Variants in ALB observed in about 807,000 individuals in gnomAD.
The protein encoded by ALB is albumin, also known as serum albumin.
A neutral mutation model predicts 74.5 loss-of-function variants in ALB; 37 were observed. The ratio of observed to expected loss-of-function variants is 0.50; its 90% CI spans 0.38 to 0.65. The LOEUF (loss-of-function observed/expected upper bound fraction) is 0.65. Among genes scored for constraint, ALB ranks in the 30% least tolerant of loss-of-function variants. ALB has a pLI of 0.00. For synonymous variants in ALB, 249 were observed against 251.6 expected, an observed-to-expected ratio of 0.99 and a Z score of 0.10; for missense variants, 685 against 718.7, an observed-to-expected ratio of 0.95 and a Z score of 0.54.
rs1338506330 is a variant in ALB, at chr4:73,409,256, C to A, written c.483-99C>A. On this transcript the variant is annotated intron_variant, in intron 4 of 14. Coordinates refer to ENST00000295897, the MANE Select transcript of ALB (RefSeq NM_000477.7). ...TGAGCTTAATTGGTTAATTAGATAT[C>A]TTTGGAATTTGGAGGTTCTGGGGAG... 5 of 1,319,630 alleles carry A rather than the reference C, an allele frequency of 3.8e-6. No individual in the cohort carries two copies. In the East Asian group the frequency reaches 9.4e-5, roughly 25 times the overall value. The allele number at this position is 1,319,630 out of a possible 1,614,324, so 81.7% of individuals were successfully genotyped here. A position where few individuals can be genotyped will look rare whatever the true frequency, so the allele number is the denominator to read the frequency against.
chr4:73,404,599 G>A (rs1294488095), intron 1 of ALB, among the ~76,000 whole-genome samples, 193 bp downstream of exon 1: 3 of 150,596 alleles, frequency 2.0e-5, no homozygotes, highest in Non-Finnish European at 3.0e-5. Context: ...AAAAAAAAAA[G>A]GTCAGAATTG....
rs371123711 is a variant in ALB at position 73,419,555 on chromosome 4, A to G, written c.1701A>G (p.Gln567=). Residue 567 remains glutamine (Q), a synonymous_variant, in exon 13 of 15, where the codon CAA becomes CAG. Transcript: ENST00000295897. The part of the protein sequence containing the change: ...VKHKPKATKE[Q]LKAVMDDFAA... ...ACAAGCCCAAGGCAACAAAAGAGCA[A>G]CTGAAAGCTGTTATGGATGATTTCG... 73 of 1,614,016 alleles carry G rather than the reference A, an allele frequency of 4.5e-5. No individual in the cohort carries two copies. The African/African-American group carries it at 8.7e-4, about 19-fold the overall frequency.
intron 9 of ALB, 92 bp downstream of exon 9, chr4:73,415,259 A>G (rs1409472539): frequency 8.0e-5 from 115 of 1,430,480 alleles, no homozygotes; most frequent in Non-Finnish European, 1.1e-4. Flanking sequence ...AATGATATAC[A>G]GTGCAATTTA....
At chr4:73,412,220 G>C (rs1718896156) in intron 7 of ALB, 95 bp downstream of exon 7, 1 of 1,456,662 alleles carries the variant, frequency 6.9e-7, no homozygotes, top group Non-Finnish European at 9.6e-7. Flanking sequence ...ACAGTGGGTT[G>C]AGATTGTCTT....
At chr4:73,406,408 A>G (rs1378902145) in intron 2 of ALB, among the ~76,000 whole-genome samples, 1 of 152,238 alleles carries the variant, frequency 6.6e-6, no homozygotes, top group Non-Finnish European at 1.5e-5. Context: ...ACACACGCAT[A>G]CATATAAACA....
rs1375909991 is a variant in ALB, at chr4:73,408,794, A to G, written c.471A>G (p.Thr157=). 11 of 1,613,392 alleles carry G rather than the reference A, an allele frequency of 6.8e-6. No individual in the cohort carries two copies. The South Asian group carries it at 1.1e-4, about 16-fold the overall frequency. ...MCTAFHDNEE[T]FLKKYLYEIA... ...CTGCTTTTCATGACAATGAAGAGACATTTTTGAAAAAGTAAGTAATCAGAT... is the reference window on the plus strand; with the variant it reads ...CTGCTTTTCATGACAATGAAGAGACGTTTTTGAAAAAGTAAGTAATCAGAT... The change falls in exon 4 of 15, where the codon ACA becomes ACG. Residue 157 remains threonine, a synonymous_variant. Coordinates refer to ENST00000295897, the MANE Select transcript of ALB (RefSeq NM_000477.7).
At chr4:73,417,315 A>T (rs934475347) in intron 10 of ALB, among the ~76,000 whole-genome samples, 1 of 152,220 alleles carries the variant, frequency 6.6e-6, no homozygotes, top group Non-Finnish European at 1.5e-5. Flanking sequence ...TCCCAAGATT[A>T]TGCAAGTGGT....
At chr4:73,415,490 G>A in intron 9 of ALB, 1 of 277,810 alleles carries the variant, frequency 3.6e-6, no homozygotes, top group Non-Finnish European at 6.9e-6. Context: ...TGTAAAGTGA[G>A]TTAACCTGAT....
In ALB at chr4:73,416,353, C is replaced by A. The variant is rs370819889; in HGVS notation, c.1289C>A (p.Ala430Glu). Residue 430 changes from alanine (A) to glutamate (E), a missense_variant and splice_region_variant, in exon 10 of 15, where the codon GCG (alanine) becomes GAG (glutamate). Physicochemically the swap from Ala to Glu is moderately radical, Grantham distance 107. Coordinates refer to ENST00000295897, the MANE Select transcript of ALB (RefSeq NM_000477.7). ...CTTGGAGAGTACAAATTCCAGAATGCGTAAGTAATTTTTATTGACTGATTT... is the reference window on the plus strand; with the variant it reads ...CTTGGAGAGTACAAATTCCAGAATGAGTAAGTAATTTTTATTGACTGATTT... ...EQLGEYKFQN[A>E]LLVRYTKKVP... is the part of the protein sequence containing the mutation. The A allele has an allele frequency of 1.9e-6, 3 of 1,609,028 alleles. No homozygotes were observed. Among genetic ancestry groups the A allele is most frequent in the Non-Finnish European group, 2.5e-6 (3 of 1,176,648 alleles).
At chr4:73,410,219 A>C in intron 5 of ALB, 93 bp from the exon 6 acceptor site, 1 of 987,924 alleles carries the variant, frequency 1.0e-6, no homozygotes, top group East Asian at 2.4e-5. Flanking sequence ...ATGCCTTCAA[A>C]ATTTAATTTG....
chr4:73,408,907 A>G lies in ALB; in HGVS notation c.482+102A>G, dbSNP rs528298309. ...CCATAACAAAAATATTTTCAACATT[A>G]AGACTTGGAAGTTTTGTTATGATGA... is the stretch of plus-strand genomic sequence containing the variant. On this transcript the variant is annotated intron_variant, in intron 4 of 14. Transcript: ENST00000295897. The G allele has an allele frequency of 1.5e-4, 157 of 1,038,522 alleles. 1 individual carries two copies. In the Middle Eastern group the frequency reaches 1.9e-3, roughly 13 times the overall value. The allele number at this position is 1,038,522 out of a possible 1,614,324, so 64.3% of individuals were successfully genotyped here.
Position 73,404,350 on chromosome 4 carries a change from C to A in ALB, c.23C>A (p.Ser8Tyr). MKWVTFI[S>Y]LLFLFSSAYS... Reference sequence around the variant, plus strand: ...ACAATGAAGTGGGTAACCTTTATTTCCCTTCTTTTTCTCTTTAGCTCGGCT... The same window carrying A: ...ACAATGAAGTGGGTAACCTTTATTTACCTTCTTTTTCTCTTTAGCTCGGCT... The change falls in exon 1 of 15, where the codon TCC becomes TAC. Residue 8 changes from serine to tyrosine, a missense_variant. Coordinates refer to ENST00000295897, the MANE Select transcript of ALB (RefSeq NM_000477.7). The A allele has an allele frequency of 6.2e-7, 1 of 1,613,750 alleles. No individual in the cohort carries two copies. Among genetic ancestry groups the A allele is most frequent in the South Asian group, 1.1e-5 (1 of 91,076 alleles).
At position 73,419,559 on chromosome 4, in the gene ALB, A is replaced by G. The variant is rs72552712; in HGVS notation, c.1705A>G (p.Lys569Glu). The G allele has an allele frequency of 6.2e-7, 1 of 1,613,932 alleles. No individual in the cohort carries two copies. The highest frequency in any genetic ancestry group is 8.5e-7 in the Non-Finnish European group (1 of 1,179,946). ...GCCCAAGGCAACAAAAGAGCAACTGAAAGCTGTTATGGATGATTTCGCAGC... is the reference window on the plus strand; with the variant it reads ...GCCCAAGGCAACAAAAGAGCAACTGGAAGCTGTTATGGATGATTTCGCAGC... ...HKPKATKEQL[K>E]AVMDDFAAFV... is the part of the protein sequence containing the mutation. Residue 569 changes from lysine to glutamate, a missense_variant, in exon 13 of 15, where the codon AAA becomes GAA. Lys to Glu is a moderately conservative substitution (Grantham distance 56). Coordinates refer to ENST00000295897, the MANE Select transcript of ALB (RefSeq NM_000477.7).
chr4:73,419,939 AATTT>A (rs1488984409), intron 13 of ALB, among the ~76,000 whole-genome samples: 4 of 152,200 alleles, frequency 2.6e-5, no homozygotes, highest in African/African-American at 9.6e-5. Context: ...TCAAAACATT[AATTT>A]ATTTAAACAT....
At chr4:73,409,172 C>T in intron 4 of ALB, 183 bp from the exon 5 acceptor site, 1 of 694,824 alleles carries the variant, frequency 1.4e-6, no homozygotes, top group Non-Finnish European at 2.4e-6. Context: ...CACACACACA[C>T]TTAACCCTTT....
At chr4:73,408,428 G>A (rs1020301668) in intron 3 of ALB, among the ~76,000 whole-genome samples, 166 bp from the exon 4 acceptor site, 8 of 152,142 alleles carry the variant, frequency 5.3e-5, no homozygotes, top group African/African-American at 1.7e-4. Context: ...ATTATATAGA[G>A]ATGGTTAAAT....
chr4:73,407,160 T>C (rs1718753276), intron 3 of ALB, among the ~76,000 whole-genome samples: 1 of 152,166 alleles, frequency 6.6e-6, no homozygotes, highest in South Asian at 2.1e-4. Context: ...CCTGTTATAT[T>C]TTTAAGTGTA....
intron 1 of ALB, among the ~76,000 whole-genome samples, chr4:73,404,750 A>G (rs1174054185): frequency 6.6e-6 from 1 of 152,164 alleles, no homozygotes; most frequent in African/African-American, 2.4e-5. Context: ...TTATTTAAAA[A>G]CCACAAAACC....
chr4:73,412,254 T>C, intron 7 of ALB, 129 bp downstream of exon 7: 1 of 1,173,050 alleles, frequency 8.5e-7, no homozygotes, highest in Non-Finnish European at 1.3e-6. Flanking sequence ...TGTCCTATCT[T>C]CAATCTTTCC....
Sources: allele counts gnomAD v4.1 joint callset (sites outside exome capture counted in the v4.1 genomes callset), GRCh38; gene constraint gnomAD v4.1.1; transcripts MANE v1.5; gene names NCBI Gene and HGNC (gene_info 2026-07-23, HGNC 2026-07-21).